Variants in NAV3 observed in about 807,000 individuals in gnomAD.
NAV3 encodes neuron navigator 3.
A neutral mutation model predicts 244.7 loss-of-function variants in NAV3; 87 were observed. The ratio of observed to expected loss-of-function variants is 0.36; its 90% CI spans 0.30 to 0.42. The LOEUF (loss-of-function observed/expected upper bound fraction) is 0.42, where lower values mean the gene tolerates loss of function less well. Among genes scored for constraint, NAV3 ranks in the 20% least tolerant of loss-of-function variants. The pLI, the probability that NAV3 is intolerant of heterozygous loss-of-function variation, is 1.00. For synonymous variants in NAV3, 1,126 were observed against 1,042.2 expected (o/e 1.08, Z -1.55); for missense variants, 2,663 against 2,893.3 (o/e 0.92, Z 1.83).
chr12:77,994,517 A>G (rs970539273), intron 5 of NAV3, among the ~76,000 whole-genome samples: 3 of 152,146 alleles, frequency 2.0e-5, no homozygotes, highest in African/African-American at 7.2e-5. Context: ...TGATGAAATA[A>G]TAGTATTTTT....
At chr12:77,960,450 T>C (rs71462119) in intron 3 of NAV3, among the ~76,000 whole-genome samples, 15,493 of 144,092 alleles carry the variant, frequency 0.11, 1,039 homozygotes, top group Non-Finnish European at 0.14. Context: ...TATATATATA[T>C]ACACACACAC....
intron 9 of NAV3, among the ~76,000 whole-genome samples, chr12:78,043,300 A>C (rs535910531): frequency 2.0e-5 from 3 of 152,302 alleles, no homozygotes; most frequent in South Asian, 2.1e-4. Flanking sequence ...CATGGTGTAT[A>C]TGTGCCACAT....
chr12:77,845,453 C>A (rs1464232576), intron 1 of NAV3, among the ~76,000 whole-genome samples: 1 of 152,048 alleles, frequency 6.6e-6, no homozygotes, highest in Non-Finnish European at 1.5e-5. Context: ...TATTTTATTG[C>A]AGAAAGAAGC....
At chr12:77,683,229 T>C (rs892852695) in intron 2 of NAV3, among the ~76,000 whole-genome samples, 1 of 152,168 alleles carries the variant, frequency 6.6e-6, no homozygotes, top group Non-Finnish European at 1.5e-5. Flanking sequence ...TTCTTTTGCA[T>C]GTGGTTTTCT....
intron 2 of NAV3, among the ~76,000 whole-genome samples, chr12:77,808,421 T>C (rs1281687213): frequency 1.3e-5 from 2 of 152,208 alleles, no homozygotes; most frequent in African/African-American, 2.4e-5. Flanking sequence ...GTTTTCCTGC[T>C]AACAGGCCCC....
intron 30 of NAV3, 113 bp downstream of exon 30, chr12:78,181,158 C>A: frequency 2.2e-6 from 2 of 902,978 alleles, no homozygotes; most frequent in Non-Finnish European, 3.3e-6. Context: ...CTCTAATTCT[C>A]AGAAATAGTC....
At chr12:77,839,491 C>A (rs1308713428) in intron 1 of NAV3, among the ~76,000 whole-genome samples, 1 of 152,082 alleles carries the variant, frequency 6.6e-6, no homozygotes, top group Admixed American at 6.6e-5. Flanking sequence ...ATGACTTTGG[C>A]AAGGCAGTTA....
chr12:78,154,325 T>TA (rs1039342836), intron 22 of NAV3, among the ~76,000 whole-genome samples: 10 of 71,710 alleles, frequency 1.4e-4, no homozygotes, highest in African/African-American at 2.3e-4. Context: ...ATATATATAG[T>TA]ATATATTATA....
In NAV3 at chr12:78,007,227, G is replaced by C. The variant is rs199707671; in HGVS notation, c.1689G>C (p.Gln563His). The C allele has an allele frequency of 4.3e-6, 7 of 1,614,072 alleles. No individual in the cohort carries two copies. Among genetic ancestry groups the C allele is most frequent in the Non-Finnish European group, 5.9e-6 (7 of 1,180,040 alleles). ...GGACTACCAAGGGGAGCCCTTCCCA[G>C]TCCTTATCTAAGCCTATAACCATGG... ...KFRTTKGSPS[Q>H]SLSKPITMEK... The change falls in exon 8 of 40, where the codon CAG becomes CAC. Residue 563 changes from glutamine (Q) to histidine (H), a missense_variant. Physicochemically the swap from Gln to His is conservative, Grantham distance 24. Coordinates refer to ENST00000397909, the MANE Select transcript of NAV3 (RefSeq NM_001024383.2).
intron 5 of NAV3, among the ~76,000 whole-genome samples, chr12:77,991,529 G>C (rs1871438031): frequency 1.3e-5 from 2 of 152,158 alleles, no homozygotes; most frequent in Non-Finnish European, 2.9e-5. Context: ...TCTAGAAGGT[G>C]ATAAAATGTT....
chr12:77,614,403 C>T (rs1021032737), intron 2 of NAV3, among the ~76,000 whole-genome samples: 1 of 152,048 alleles, frequency 6.6e-6, no homozygotes, highest in Non-Finnish European at 1.5e-5. Context: ...ATGTTAGTAG[C>T]CCTGTATTTT....
intron 18 of NAV3, among the ~76,000 whole-genome samples, chr12:78,133,608 A>T (rs968309882): frequency 2.0e-5 from 3 of 151,930 alleles, no homozygotes; most frequent in African/African-American, 7.2e-5. Context: ...ACTATAAAAA[A>T]TCACAACATA....
chr12:77,583,881 A>C (rs1220501906), intron 2 of NAV3, among the ~76,000 whole-genome samples: 1 of 152,110 alleles, frequency 6.6e-6, no homozygotes, highest in East Asian at 1.9e-4. Flanking sequence ...TCTCTTCCAG[A>C]CATATTGACA....
chr12:78,057,987 G>A (rs997069020), intron 11 of NAV3, among the ~76,000 whole-genome samples: 3 of 152,178 alleles, frequency 2.0e-5, no homozygotes, highest in Admixed American at 6.5e-5. Flanking sequence ...TTTAATGTAA[G>A]GGGCATTTTT....
At chr12:77,580,024 C>T (rs1462541839) in intron 2 of NAV3, among the ~76,000 whole-genome samples, 2 of 152,072 alleles carry the variant, frequency 1.3e-5, no homozygotes, top group Admixed American at 6.6e-5. Context: ...GGGGCAGACT[C>T]ATTACTCCTT....
chr12:78,119,740 A>G lies in NAV3; in HGVS notation c.3544A>G (p.Thr1182Ala), dbSNP rs2138629619. Residue 1182 changes from threonine (T) to alanine (A), a missense_variant, in exon 15 of 40, where the codon ACT (threonine) becomes GCT (alanine). Thr to Ala is a moderately conservative substitution (Grantham distance 58). Transcript: ENST00000397909. ...GATTSKLREP[T>A]KIGSGRSSPV... is the part of the protein sequence containing the mutation. ...CACCACCTCGAAACTGAGAGAACCA[A>G]CTAAAATTGGGTCAGGGCGCTCGAG... 1 of 1,614,096 alleles carries G rather than the reference A, an allele frequency of 6.2e-7. No homozygotes were observed. The highest frequency in any genetic ancestry group is 8.5e-7 in the Non-Finnish European group (1 of 1,180,008).
intron 12 of NAV3, among the ~76,000 whole-genome samples, chr12:78,060,098 G>C (rs1419206194): frequency 6.6e-6 from 1 of 151,966 alleles, no homozygotes; most frequent in East Asian, 1.9e-4. Context: ...TACATTTCTG[G>C]CCTGATTTTG....
rs143228155 is a variant in NAV3 at position 77,960,614 on chromosome 12, T to C, written c.415-5615T>C. On this transcript the variant is annotated intron_variant, in intron 3 of 39. Coordinates refer to ENST00000397909, the MANE Select transcript of NAV3 (RefSeq NM_001024383.2). Reference sequence around the variant, plus strand: ...TATAACATATATGTAATGTATGTAATATACTATTATATATACTTTAACAAT... The same window carrying C: ...TATAACATATATGTAATGTATGTAACATACTATTATATATACTTTAACAAT... 8.8e-3 allele frequency among the ~76,000 whole-genome samples: 1,310 copies of C among 148,428 alleles called. 17 individuals are homozygous for C. Among genetic ancestry groups the C allele is most frequent in the African/African-American group, 0.031 (1,251 of 40,830 alleles).
At chr12:77,673,166 G>A (rs370757569) in intron 2 of NAV3, among the ~76,000 whole-genome samples, 1 of 152,084 alleles carries the variant, frequency 6.6e-6, no homozygotes, top group East Asian at 1.9e-4. Context: ...GGAAATATCA[G>A]CCTTTTTTGC....
Sources: gnomAD v4.1 joint callset for allele counts (sites outside exome capture counted in the v4.1 genomes callset) on GRCh38, gnomAD v4.1.1 for gene constraint, MANE v1.5 for transcripts, NCBI Gene and HGNC (gene_info 2026-07-23, HGNC 2026-07-21) for gene names.